The following NEK6 variants were observed in gnomAD, a reference collection of about 807,000 sequenced individuals.
The protein encoded by NEK6 is serine/threonine-protein kinase Nek6.
In NEK6, 27 loss-of-function variants were observed where a neutral mutation model predicts 43.5. The observed-to-expected ratio is 0.62, with a 90% CI of 0.46 to 0.86. The LOEUF (loss-of-function observed/expected upper bound fraction) is 0.86, where lower values mean the gene tolerates loss of function less well. NEK6 is among the 40% of genes least tolerant of loss of function. The probability of loss-of-function intolerance (pLI) is 0.00; values close to 1 mark genes in which losing one functional copy is unlikely to be tolerated. For synonymous variants in NEK6, 167 were observed against 164.1 expected (o/e 1.02, Z -0.14); for missense variants, 318 against 414.4 (o/e 0.77, Z 2.02).
rs956577682 is a variant in NEK6, at chr9:124,329,157, C to T, written c.622+1712C>T. Among the ~76,000 whole-genome samples the T allele has an allele frequency of 1.2e-3, 179 of 152,304 alleles. 2 individuals carry two copies. Among genetic ancestry groups the T allele is most frequent in the Non-Finnish European group, 1.2e-4 (8 of 68,026 alleles). ...ACTCTCCGTTGCTGGAAGGAAGCCT[C>T]GTCTTTCCTTGTCCCCTCAAACATT... On this transcript the variant is annotated intron_variant, in intron 7 of 9. Coordinates refer to ENST00000320246, the MANE Select transcript of NEK6 (RefSeq NM_014397.6).
chr9:124,342,447 G>A (rs1010928966), intron 8 of NEK6, among the ~76,000 whole-genome samples: 3 of 152,340 alleles, frequency 2.0e-5, no homozygotes, highest in Admixed American at 1.3e-4. Context: ...CCTCCCGGGT[G>A]GGCCTCAGGT....
intron 7 of NEK6, among the ~76,000 whole-genome samples, chr9:124,332,921 C>T (rs1829086678): frequency 6.6e-6 from 1 of 152,170 alleles, no homozygotes; most frequent in South Asian, 2.1e-4. Flanking sequence ...GAGGAGGGGG[C>T]GGTGGGAGTC....
intron 1 of NEK6, among the ~76,000 whole-genome samples, chr9:124,264,417 G>A (rs1300195174): frequency 1.3e-5 from 2 of 152,208 alleles, no homozygotes; most frequent in African/African-American, 2.4e-5. Flanking sequence ...CACCAGCCCC[G>A]TGATCCTCAG....
chr9:124,298,434 G>C (rs1249748392), intron 1 of NEK6, among the ~76,000 whole-genome samples: 2 of 152,108 alleles, frequency 1.3e-5, no homozygotes, highest in East Asian at 3.9e-4. Flanking sequence ...AGGCACCACT[G>C]GGGTAGACAG....
chr9:124,305,224 GT>G (rs1363102786), intron 2 of NEK6, among the ~76,000 whole-genome samples: 1 of 152,170 alleles, frequency 6.6e-6, no homozygotes, highest in African/African-American at 2.4e-5. Context: ...ATGCTAGTTG[GT>G]TAAGGTTTAA....
chr9:124,268,777 C>T (rs1334326763), intron 1 of NEK6, among the ~76,000 whole-genome samples: 2 of 152,146 alleles, frequency 1.3e-5, no homozygotes, highest in Admixed American at 6.5e-5. Flanking sequence ...TGTGAGATCG[C>T]GTGGTTGGCT....
At chr9:124,339,506 C>T (rs1463960472) in intron 7 of NEK6, 65 bp from the exon 8 acceptor site, 15 of 1,175,230 alleles carry the variant, frequency 1.3e-5, no homozygotes, top group Non-Finnish European at 1.8e-5. Flanking sequence ...CCTCCAACCT[C>T]ACCTCTGTGC....
At chr9:124,278,710 C>T (rs1016653188) in intron 1 of NEK6, among the ~76,000 whole-genome samples, 2 of 152,216 alleles carry the variant, frequency 1.3e-5, no homozygotes, top group Non-Finnish European at 2.9e-5. Context: ...GGCTGGATGA[C>T]TTCATGTATG....
At chr9:124,305,224 G>C (rs1312699782) in intron 2 of NEK6, among the ~76,000 whole-genome samples, 2 of 152,170 alleles carry the variant, frequency 1.3e-5, no homozygotes, top group African/African-American at 4.8e-5. Context: ...ATGCTAGTTG[G>C]TTAAGGTTTA....
At chr9:124,292,039 C>T in intron 1 of NEK6, 1 of 1,003,578 alleles carries the variant, frequency 1.0e-6, no homozygotes, top group Non-Finnish European at 1.2e-6. Flanking sequence ...TGCCCTCAAC[C>T]CAGAGTGGAG....
chr9:124,261,518 C>G (rs755711362), intron 1 of NEK6: 12 of 985,418 alleles, frequency 1.2e-5, no homozygotes, highest in Middle Eastern at 5.2e-4. Context: ...GTGTTCTGGC[C>G]CCCTGATGTC....
At chr9:124,307,703 G>A (rs999662114) in intron 2 of NEK6, among the ~76,000 whole-genome samples, 3 of 152,190 alleles carry the variant, frequency 2.0e-5, no homozygotes, top group African/African-American at 2.4e-5. Flanking sequence ...GCCCCACAGC[G>A]CAGCCCTGGA....
intron 1 of NEK6, among the ~76,000 whole-genome samples, chr9:124,264,448 C>G (rs1195273750): frequency 6.6e-6 from 1 of 152,160 alleles, no homozygotes; most frequent in African/African-American, 2.4e-5. Flanking sequence ...GGGTGATCTG[C>G]CTTAGAAATT....
chr9:124,329,992 A>T (rs1360889628), intron 7 of NEK6, among the ~76,000 whole-genome samples: 4 of 152,200 alleles, frequency 2.6e-5, no homozygotes, highest in Admixed American at 2.6e-4. Context: ...ACGTTGCCCC[A>T]GCAACCACCT....
chr9:124,327,083 C>T (rs1834377238), intron 6 of NEK6, among the ~76,000 whole-genome samples: 1 of 152,150 alleles, frequency 6.6e-6, no homozygotes, highest in South Asian at 2.1e-4. Context: ...GAAACAGGAG[C>T]ACAGAAACCC....
At chr9:124,302,508 C>G (rs1057507978) in intron 2 of NEK6, among the ~76,000 whole-genome samples, 3 of 152,258 alleles carry the variant, frequency 2.0e-5, no homozygotes, top group South Asian at 2.1e-4. Context: ...TCAGCCTCTT[C>G]TAGAACCAGC....
At chr9:124,344,307 G>A (rs1829804062) in intron 8 of NEK6, among the ~76,000 whole-genome samples, 1 of 152,226 alleles carries the variant, frequency 6.6e-6, no homozygotes, top group African/African-American at 2.4e-5. Context: ...ATTCGGTGAT[G>A]GATGTCTTTG....
At position 124,321,538 on chromosome 9, in the gene NEK6, C is replaced by T; in HGVS notation, c.374C>T (p.Ala125Val). Residue 125 changes from alanine (A) to valine (V), a missense_variant, in exon 5 of 10, where the codon GCT (alanine) becomes GTT (valine). Physicochemically the swap from Ala to Val is moderately conservative, Grantham distance 64 (BLOSUM62 0). This residue lies in a region of NEK6 where 239 missense variants were observed against 344.4 expected (regional missense o/e 0.69). Coordinates refer to ENST00000320246, the MANE Select transcript of NEK6 (RefSeq NM_014397.6). ...DNELNIVLELADAGDLSQMIK... is the reference protein window; with the variant it reads ...DNELNIVLELVDAGDLSQMIK... ...GAGCTGAACATTGTGCTGGAGTTGG[C>T]TGACGCAGGGGACCTCTCGCAGATG... 1 of 1,613,596 alleles carries T rather than the reference C, an allele frequency of 6.2e-7. No individual in the cohort carries two copies. The highest frequency in any genetic ancestry group is 8.5e-7 in the Non-Finnish European group (1 of 1,179,456).
intron 8 of NEK6, among the ~76,000 whole-genome samples, chr9:124,344,272 A>G (rs900326795): frequency 6.6e-6 from 1 of 152,138 alleles, no homozygotes; most frequent in Non-Finnish European, 1.5e-5. Flanking sequence ...TTTGCCCTAT[A>G]AAGTGTCATT....
Sources: gnomAD v4.1 joint callset for allele counts (sites outside exome capture counted in the v4.1 genomes callset) on GRCh38, gnomAD v4.1.1 for gene constraint, gnomAD v4.1.1 regional missense constraint, MANE v1.5 for transcripts, NCBI Gene and HGNC (gene_info 2026-07-23, HGNC 2026-07-21) for gene names.